Variants in BMPER observed in about 807,000 individuals in gnomAD.
The protein encoded by BMPER is BMP binding endothelial regulator.
In BMPER, 45 loss-of-function variants were observed where a neutral mutation model predicts 87.3. The ratio of observed to expected loss-of-function variants is 0.52; its 90% CI spans 0.41 to 0.66. The LOEUF is 0.66. Among genes scored for constraint, BMPER ranks in the 30% least tolerant of loss-of-function variants. The pLI is 0.00. For missense variants in BMPER, 784 were observed against 867.5 expected, an observed-to-expected ratio of 0.90 and a Z score of 1.21; for synonymous variants, 326 against 316.2, an observed-to-expected ratio of 1.03 and a Z score of -0.33.
chr7:33,959,588 T>C (rs905140194), intron 3 of BMPER, among the ~76,000 whole-genome samples: 2 of 152,230 alleles, frequency 1.3e-5, no homozygotes, highest in Non-Finnish European at 2.9e-5. Context: ...TAGAAGTGTT[T>C]ATGCTAAGTA....
In BMPER at chr7:34,052,902, G is replaced by A. The variant is rs368560379; in HGVS notation, c.786+932G>A. 5.2e-4 allele frequency among the ~76,000 whole-genome samples: 79 copies of A among 152,248 alleles called. 2 individuals are homozygous for A. In the South Asian group the frequency reaches 0.016, roughly 30 times the overall value. On this transcript the variant is annotated intron_variant, in intron 8 of 14. Coordinates refer to ENST00000649409, the MANE Select transcript of BMPER (RefSeq NM_001365308.1). ...TTCCTAAGCCTGAGAATACTTTACC[G>A]AAGCTTTTTCCTCCTCCCATGGTTT...
chr7:33,970,484 C>A, intron 5 of BMPER, 65 bp downstream of exon 5: 1 of 1,511,128 alleles, frequency 6.6e-7, no homozygotes. Context: ...CATGAATCTC[C>A]CAACCCCTCT....
At chr7:34,058,866 C>G (rs1345917782) in intron 10 of BMPER, among the ~76,000 whole-genome samples, 1 of 152,136 alleles carries the variant, frequency 6.6e-6, no homozygotes, top group Non-Finnish European at 1.5e-5. Context: ...TCCATATATT[C>G]AGGACATGTC....
In BMPER at chr7:34,139,216, A is replaced by G. The variant is rs1229800717; in HGVS notation, c.1746-4014A>G. 2.0e-5 allele frequency among the ~76,000 whole-genome samples: 3 copies of G among 152,336 alleles called. No individual in the cohort carries two copies. In the East Asian group the frequency reaches 5.8e-4, roughly 29 times the overall value. On this transcript the variant is annotated intron_variant, in intron 13 of 14. Coordinates refer to ENST00000649409, the MANE Select transcript of BMPER (RefSeq NM_001365308.1). ...TTATTCCATTATCTATTCCACCACC[A>G]CATTAGTAGACCAATGAAATACAAG... is the stretch of plus-strand genomic sequence containing the variant.
intron 6 of BMPER, among the ~76,000 whole-genome samples, chr7:34,020,907 T>C (rs1212254245): frequency 6.7e-6 from 1 of 150,334 alleles, no homozygotes; most frequent in South Asian, 2.1e-4. Flanking sequence ...CACACACACA[T>C]ATGCATATGT....
At chr7:34,061,216 TTC>T (rs1788428234) in intron 10 of BMPER, among the ~76,000 whole-genome samples, 2 of 152,210 alleles carry the variant, frequency 1.3e-5, no homozygotes, top group Admixed American at 1.3e-4. Flanking sequence ...AATGTTAAAC[TTC>T]TTCTACATTT....
At chr7:34,092,464 G>A (rs1360697513) in intron 13 of BMPER, among the ~76,000 whole-genome samples, 3 of 152,134 alleles carry the variant, frequency 2.0e-5, no homozygotes, top group Non-Finnish European at 1.5e-5. Flanking sequence ...GCCTCTTCTT[G>A]TATGGTGTTA....
intron 13 of BMPER, among the ~76,000 whole-genome samples, chr7:34,126,453 A>G (rs1358744896): frequency 5.9e-5 from 9 of 152,240 alleles, no homozygotes; most frequent in Non-Finnish European, 1.3e-4. Flanking sequence ...TACATTTGAA[A>G]GAACATTTGG....
chr7:33,981,716 C>T (rs2127917387), intron 6 of BMPER, among the ~76,000 whole-genome samples: 1 of 152,240 alleles, frequency 6.6e-6, no homozygotes, highest in African/African-American at 2.4e-5. Flanking sequence ...TGCTACTTTC[C>T]CCACCCACAC....
At chr7:34,098,860 A>C (rs1448627800) in intron 13 of BMPER, among the ~76,000 whole-genome samples, 2 of 152,238 alleles carry the variant, frequency 1.3e-5, no homozygotes, top group Non-Finnish European at 2.9e-5. Flanking sequence ...TAAGGACTGC[A>C]GGACAGCTGA....
intron 13 of BMPER, among the ~76,000 whole-genome samples, chr7:34,097,144 C>A (rs1194828048): frequency 2.0e-5 from 3 of 152,138 alleles, no homozygotes; most frequent in Non-Finnish European, 4.4e-5. Flanking sequence ...GACTTCTAGG[C>A]CAAAACCAAA....
intron 13 of BMPER, among the ~76,000 whole-genome samples, chr7:34,132,637 G>C (rs1473196722): frequency 6.6e-6 from 1 of 152,198 alleles, no homozygotes; most frequent in Admixed American, 6.5e-5. Context: ...AAAGGAGACA[G>C]TGAGTTTCTT....
chr7:33,928,407 G>A (rs908722091), intron 2 of BMPER, among the ~76,000 whole-genome samples: 11 of 151,838 alleles, frequency 7.2e-5, no homozygotes, highest in African/African-American at 2.4e-4. Flanking sequence ...TATACGACGC[G>A]CAGTCTAATA....
intron 13 of BMPER, among the ~76,000 whole-genome samples, chr7:34,112,725 A>G (rs1790011611): frequency 2.0e-5 from 3 of 151,914 alleles, no homozygotes; most frequent in Admixed American, 2.0e-4. Context: ...ATCATTTTAA[A>G]TGCCTGTATA....
chr7:34,103,292 G>T (rs975061929), intron 13 of BMPER, among the ~76,000 whole-genome samples: 1 of 152,156 alleles, frequency 6.6e-6, no homozygotes, highest in Non-Finnish European at 1.5e-5. Flanking sequence ...GCTAGTGTTG[G>T]GCTCTAAGTG....
rs371550454 is a variant in BMPER, at chr7:34,046,312, A to G, written c.583A>G (p.Arg195Gly). 3.1e-6 allele frequency: 5 copies of G among 1,613,604 alleles called. No individual in the cohort carries two copies. The African/African-American group carries it at 4.0e-5, about 13-fold the overall frequency. Residue 195 changes from arginine (R) to glycine (G), a missense_variant, in exon 7 of 15, where the codon AGG becomes GGG. Arg to Gly is a moderately radical substitution (Grantham distance 125). Transcript: ENST00000649409. ...TTTTTCTCTCTTTTCTTAGGGAGGC[A>G]GGACACAATGTGTGAGAGAAGTCTG... Reference protein sequence around the residue: ...KCTKCSCTGGRTQCVREVCPI... With the variant: ...KCTKCSCTGGGTQCVREVCPI...
upstream of BMPER, chr7:33,905,368 A>G (rs1332627871): frequency 4.7e-6 from 2 of 429,776 alleles, no homozygotes; most frequent in Admixed American, 3.5e-5. Flanking sequence ...GGAAAAAAAA[A>G]AAAAAAGCCG....
chr7:34,122,550 A>C (rs183411212), intron 13 of BMPER, among the ~76,000 whole-genome samples: 1 of 152,322 alleles, frequency 6.6e-6, no homozygotes. Flanking sequence ...ATTTGCCTGC[A>C]CACAGACACC....
At chr7:33,966,594 A>G in intron 4 of BMPER, 33 bp downstream of exon 4, 2 of 1,595,800 alleles carry the variant, frequency 1.3e-6, no homozygotes, top group Non-Finnish European at 1.7e-6. Flanking sequence ...TCCAGTAAAA[A>G]GGAATCCATA....
Sources: allele counts gnomAD v4.1 joint callset (sites outside exome capture counted in the v4.1 genomes callset), GRCh38; gene constraint gnomAD v4.1.1; transcripts MANE v1.5; gene names NCBI Gene and HGNC (gene_info 2026-07-23, HGNC 2026-07-21).